The following STPG2 variants were observed in gnomAD, a reference collection of about 807,000 sequenced individuals.
The protein encoded by STPG2 is sperm-tail PG-rich repeat-containing protein 2.
STPG2 carries 56 observed loss-of-function variants against 54.2 expected under a neutral mutation model. The ratio of observed to expected loss-of-function variants is 1.03; its 90% CI spans 0.83 to 1.29. The LOEUF (loss-of-function observed/expected upper bound fraction) is 1.29, where lower values mean the gene tolerates loss of function less well. STPG2 is among the 50% of genes most tolerant of loss of function. The pLI, the probability that STPG2 is intolerant of heterozygous loss-of-function variation, is 0.00. For synonymous variants in STPG2, 200 were observed against 181.8 expected (o/e 1.10, Z -0.81); for missense variants, 596 against 544.9 (o/e 1.09, Z -0.93).
rs149107197 is a variant in STPG2 at position 97,720,933 on chromosome 4, C to T, written c.1205-8119G>A. 2.1e-3 allele frequency among the ~76,000 whole-genome samples: 325 copies of T among 152,032 alleles called. 4 individuals are homozygous for T. The East Asian group carries it at 0.033, about 15-fold the overall frequency. ...ACATCCTATCTTTGGGTGAAGGCTG[C>T]CTCTCTGTGGTAGAATGCAATGTGA... On this transcript the variant is annotated intron_variant, in intron 9 of 10. Transcript: ENST00000295268.
At chr4:97,921,102 A>G (rs536096922) in intron 8 of STPG2, among the ~76,000 whole-genome samples, 1 of 152,252 alleles carries the variant, frequency 6.6e-6, no homozygotes, top group Admixed American at 6.5e-5. Flanking sequence ...GGTTTACATT[A>G]TTTGTGTCAC....
chr4:98,048,701 C>T (rs996155703), intron 5 of STPG2: 1 of 153,464 alleles, frequency 6.5e-6, no homozygotes. Context: ...CAGACTATGA[C>T]CTATACAGTG....
intron 8 of STPG2, among the ~76,000 whole-genome samples, chr4:97,917,900 A>G (rs1290072553): frequency 1.3e-5 from 2 of 152,088 alleles, no homozygotes; most frequent in African/African-American, 4.8e-5. Flanking sequence ...GTAGGACACT[A>G]CTCATAGGAA....
rs978630401 is a variant in STPG2, at chr4:97,532,816, C to T, written c.462+179883G>A. Among the ~76,000 whole-genome samples, 6 of 152,124 alleles carry T rather than the reference C, an allele frequency of 3.9e-5. No individual in the cohort carries two copies. In the South Asian group the frequency reaches 8.3e-4, roughly 21 times the overall value. The stretch of plus-strand genomic sequence containing the variant: ...AAGATACACATTTAAACACTCATAA[C>T]GTTAAAAATGAATGCTTGACACAGT... On this transcript the variant is annotated intron_variant, in intron 4 of 4. Transcript: ENST00000522676.
At position 97,840,827 on chromosome 4, in the gene STPG2, C is replaced by T. The variant is rs774498024; in HGVS notation, c.1150G>A (p.Ala384Thr). Residue 384 changes from alanine to threonine, a missense_variant, in exon 9 of 11, where the codon GCC becomes ACC. Ala to Thr is a moderately conservative substitution (Grantham distance 58). Transcript: ENST00000295268. ...PRSLVAKRKH[A>T]SFLSATPRCL... ...CGAGGAGTTGCACTAAGAAAAGAGG[C>T]ATGTTTTCTTTTAGCCACTAAACTA... 4 of 1,611,894 alleles carry T rather than the reference C, an allele frequency of 2.5e-6. No individual in the cohort carries two copies. Among genetic ancestry groups the T allele is most frequent in the Non-Finnish European group, 3.4e-6 (4 of 1,178,600 alleles).
intron 5 of STPG2, among the ~76,000 whole-genome samples, chr4:98,076,621 C>A (rs1339023734): frequency 6.6e-6 from 1 of 152,056 alleles, no homozygotes; most frequent in African/African-American, 2.4e-5. Flanking sequence ...CCTAAGACTG[C>A]CATTTCAAAC....
chr4:97,644,496 T>C (rs1465447089), intron 10 of STPG2, among the ~76,000 whole-genome samples: 1 of 151,914 alleles, frequency 6.6e-6, no homozygotes, highest in African/African-American at 2.4e-5. Context: ...TGTCTGGAAG[T>C]TGTGCTGGAG....
At chr4:97,926,854 A>G (rs1439729950) in intron 8 of STPG2, among the ~76,000 whole-genome samples, 3 of 152,108 alleles carry the variant, frequency 2.0e-5, no homozygotes, top group South Asian at 2.1e-4. Context: ...GCTTTGAAAC[A>G]TAACTCTACC....
At position 97,763,452 on chromosome 4, in the gene STPG2, T is replaced by C. The variant is rs1042414816; in HGVS notation, c.1205-50638A>G. 1.8e-4 allele frequency among the ~76,000 whole-genome samples: 28 copies of C among 152,308 alleles called. No individual in the cohort carries two copies. The Middle Eastern group carries it at 0.014, about 74-fold the overall frequency. ...GTGAGCATATTTAAATATCAATTCATCCAACATGTTTCTAGTATTTAGTTT... is the reference window on the plus strand; with the variant it reads ...GTGAGCATATTTAAATATCAATTCACCCAACATGTTTCTAGTATTTAGTTT... On this transcript the variant is annotated intron_variant, in intron 9 of 10. Transcript: ENST00000295268.
At chr4:97,788,422 T>C (rs1325177614) in intron 9 of STPG2, among the ~76,000 whole-genome samples, 2 of 152,132 alleles carry the variant, frequency 1.3e-5, no homozygotes, top group East Asian at 3.9e-4. Context: ...TTTTCATGGC[T>C]GAGTAGTACT....
chr4:98,106,477 G>C (rs566809168), intron 4 of STPG2, among the ~76,000 whole-genome samples: 1 of 152,140 alleles, frequency 6.6e-6, no homozygotes, highest in African/African-American at 2.4e-5. Context: ...AGGGCATAAA[G>C]ATCTATGAAA....
intron 5 of STPG2, among the ~76,000 whole-genome samples, chr4:98,075,163 T>C (rs11721726): frequency 0.4 from 60,161 of 152,014 alleles, 12,151 homozygotes; most frequent in Middle Eastern, 0.46. Context: ...TGCCTCCTCC[T>C]GTTTTCTGTC....
At chr4:97,864,750 AC>A (rs1303164562) in intron 8 of STPG2, among the ~76,000 whole-genome samples, 1 of 152,102 alleles carries the variant, frequency 6.6e-6, no homozygotes, top group Non-Finnish European at 1.5e-5. Flanking sequence ...ATAGATATAG[AC>A]CAATGGAACA....
intron 6 of STPG2, among the ~76,000 whole-genome samples, chr4:97,974,273 T>A (rs1734432300): frequency 6.6e-6 from 1 of 152,220 alleles, no homozygotes; most frequent in Non-Finnish European, 1.5e-5. Flanking sequence ...ACCCAAGGCC[T>A]GTACCCCCAT....
intron 7 of STPG2, among the ~76,000 whole-genome samples, chr4:97,950,806 A>C (rs745866567): frequency 2.0e-5 from 3 of 152,194 alleles, no homozygotes; most frequent in African/African-American, 7.2e-5. Context: ...CCCTTTTCCA[A>C]AACAAACACC....
chr4:97,682,104 C>A (rs1012739420), intron 10 of STPG2, among the ~76,000 whole-genome samples: 2 of 151,598 alleles, frequency 1.3e-5, no homozygotes. Flanking sequence ...CACAAGTTAA[C>A]GTTAAAAGCA....
chr4:97,565,770 T>C (rs1314680726), intron 10 of STPG2, among the ~76,000 whole-genome samples: 1 of 152,198 alleles, frequency 6.6e-6, no homozygotes. Context: ...CTGTGAATGC[T>C]GCTGTCTGAT....
rs182786512 is a variant in STPG2 at position 97,756,530 on chromosome 4, T to G, written c.1205-43716A>C. Among the ~76,000 whole-genome samples the G allele has an allele frequency of 5.7e-3, 861 of 152,158 alleles. 5 individuals are homozygous for G. The highest frequency in any genetic ancestry group is 0.02 in the Middle Eastern group (6 of 294). On this transcript the variant is annotated intron_variant, in intron 9 of 10. Transcript: ENST00000295268. ...TAGTAGAGATGGGGTTGCACCATGT[T>G]GGCCAGGCTGGTCTCCAACTCCTGA...
At chr4:97,783,208 T>C (rs1249711616) in intron 9 of STPG2, among the ~76,000 whole-genome samples, 1 of 152,126 alleles carries the variant, frequency 6.6e-6, no homozygotes, top group African/African-American at 2.4e-5. Context: ...ATCCAGAATC[T>C]ACAAAGAACT....
Sources: gnomAD v4.1 joint callset for allele counts (sites outside exome capture counted in the v4.1 genomes callset) on GRCh38, gnomAD v4.1.1 for gene constraint, MANE v1.5 for transcripts, NCBI Gene and HGNC (gene_info 2026-07-23, HGNC 2026-07-21) for gene names.